KCNIP4: variants seen among roughly 807,000 people sequenced by gnomAD.
The protein encoded by KCNIP4 is potassium voltage-gated channel interacting protein 4, also known as Kv channel-interacting protein 4.
KCNIP4 carries 12 observed loss-of-function variants against 34.0 expected under a neutral mutation model. The ratio of observed to expected loss-of-function variants is 0.35; its 90% CI spans 0.23 to 0.57. KCNIP4 has a LOEUF of 0.57. Ranked by LOEUF, KCNIP4 falls within the 20% of genes least tolerant of loss-of-function variation. KCNIP4 has a pLI of 0.83. For synonymous variants in KCNIP4, 124 were observed against 102.2 expected, an observed-to-expected ratio of 1.21 and a Z score of -1.29; for missense variants, 238 against 311.7, an observed-to-expected ratio of 0.76 and a Z score of 1.78.
At chr4:21,520,522 C>T (rs767594884) in intron 1 of KCNIP4, among the ~76,000 whole-genome samples, 1 of 152,112 alleles carries the variant, frequency 6.6e-6, no homozygotes, top group Non-Finnish European at 1.5e-5. Context: ...AATGTCTCTG[C>T]TTTTACAGGT....
chr4:20,766,010 T>A (rs1247904812), intron 3 of KCNIP4, among the ~76,000 whole-genome samples: 1 of 152,206 alleles, frequency 6.6e-6, no homozygotes. Context: ...TAATACTTTA[T>A]TGGTATTGAT....
chr4:21,556,718 C>T lies in KCNIP4; in HGVS notation c.61+391853G>A, dbSNP rs537496133. On this transcript the variant is annotated intron_variant, in intron 1 of 8. Coordinates refer to ENST00000382152, the MANE Select transcript of KCNIP4 (RefSeq NM_025221.6). ...GGCAGATCACCTGAGGTCAGGAGTT[C>T]CAGACCTGCCTGGCCAACATGGTGA... Among the ~76,000 whole-genome samples, 877 of 151,862 alleles carry T rather than the reference C, an allele frequency of 5.8e-3. 8 individuals are homozygous for T. Among genetic ancestry groups the T allele is most frequent in the South Asian group, 0.012 (58 of 4,800 alleles).
chr4:21,523,616 G>C (rs1226873328), intron 1 of KCNIP4, among the ~76,000 whole-genome samples: 1 of 151,734 alleles, frequency 6.6e-6, no homozygotes, highest in Non-Finnish European at 1.5e-5. Context: ...CTATCACCCA[G>C]GTTGGAGTGC....
At chr4:21,453,946 G>C (rs1275409872) in intron 1 of KCNIP4, among the ~76,000 whole-genome samples, 1 of 151,992 alleles carries the variant, frequency 6.6e-6, no homozygotes, top group Non-Finnish European at 1.5e-5. Flanking sequence ...TCTTCATCTT[G>C]AAACAATGAC....
chr4:21,363,209 T>C (rs1560329913), intron 1 of KCNIP4, among the ~76,000 whole-genome samples: 1 of 152,154 alleles, frequency 6.6e-6, no homozygotes, highest in African/African-American at 2.4e-5. Context: ...TGTCCTTGTG[T>C]TTCCATCCCT....
intron 1 of KCNIP4, among the ~76,000 whole-genome samples, chr4:21,572,644 T>G (rs937113446): frequency 6.6e-6 from 1 of 152,068 alleles, no homozygotes; most frequent in African/African-American, 2.4e-5. Flanking sequence ...TTTTTTTTTT[T>G]TTTTTGAGAC....
At position 21,095,360 on chromosome 4, in the gene KCNIP4, T is replaced by C. The variant is rs140097076; in HGVS notation, c.62-212651A>G. Reference sequence around the variant, plus strand: ...GGCCTCTTTCAAATGATAATGTGTATACTACTTTCCTTCTGGAGATTCATA... The same window carrying C: ...GGCCTCTTTCAAATGATAATGTGTACACTACTTTCCTTCTGGAGATTCATA... On this transcript the variant is annotated intron_variant, in intron 1 of 8. Coordinates refer to ENST00000382152, the MANE Select transcript of KCNIP4 (RefSeq NM_025221.6). 1.6e-4 allele frequency among the ~76,000 whole-genome samples: 24 copies of C among 152,350 alleles called. 1 individual carries two copies. In the East Asian group the frequency reaches 4.1e-3, roughly 26 times the overall value.
intron 1 of KCNIP4, among the ~76,000 whole-genome samples, chr4:21,611,335 A>T (rs1744141615): frequency 6.6e-6 from 1 of 152,150 alleles, no homozygotes; most frequent in African/African-American, 2.4e-5. Flanking sequence ...GAAGAAGAGG[A>T]GTGAAGGGAG....
intron 1 of KCNIP4, among the ~76,000 whole-genome samples, chr4:21,448,098 G>T (rs1349523777): frequency 6.6e-6 from 1 of 152,130 alleles, no homozygotes; most frequent in Admixed American, 6.5e-5. Flanking sequence ...TAAAAATGAG[G>T]AAGTAGCTTT....
chr4:20,931,467 G>C (rs1730464795), intron 1 of KCNIP4, among the ~76,000 whole-genome samples: 1 of 152,034 alleles, frequency 6.6e-6, no homozygotes, highest in African/African-American at 2.4e-5. Flanking sequence ...TACACAACTA[G>C]TCTATGTGGT....
intron 1 of KCNIP4, among the ~76,000 whole-genome samples, chr4:21,704,914 C>T (rs1488148490): frequency 1.3e-5 from 2 of 152,026 alleles, no homozygotes; most frequent in African/African-American, 4.8e-5. Context: ...AACCTGTACA[C>T]GGATGCTTAT....
intron 1 of KCNIP4, among the ~76,000 whole-genome samples, chr4:21,772,272 C>T (rs1331339724): frequency 6.6e-6 from 1 of 152,174 alleles, no homozygotes; most frequent in African/African-American, 2.4e-5. Context: ...AGGGATGAAG[C>T]TGACTTGATT....
At chr4:20,767,781 C>A (rs2149374558) in intron 3 of KCNIP4, among the ~76,000 whole-genome samples, 1 of 152,002 alleles carries the variant, frequency 6.6e-6, no homozygotes, top group South Asian at 2.1e-4. Flanking sequence ...CATTTAGAGA[C>A]TTCTTCAGGA....
intron 3 of KCNIP4, among the ~76,000 whole-genome samples, chr4:20,781,432 C>A (rs538051929): frequency 6.6e-6 from 1 of 152,164 alleles, no homozygotes; most frequent in Admixed American, 6.5e-5. Flanking sequence ...TCCATTTTCC[C>A]GCTGCTGATA....
chr4:20,896,476 T>C (rs184577952), intron 1 of KCNIP4, among the ~76,000 whole-genome samples: 1 of 152,254 alleles, frequency 6.6e-6, no homozygotes, highest in Admixed American at 6.5e-5. Context: ...CAATAACTGG[T>C]ATCTTTCTGG....
chr4:21,766,412 C>T (rs887810962), intron 1 of KCNIP4, among the ~76,000 whole-genome samples: 1 of 152,124 alleles, frequency 6.6e-6, no homozygotes, highest in Non-Finnish European at 1.5e-5. Flanking sequence ...AGCTGGGACT[C>T]ACATGCAAGT....
intron 1 of KCNIP4, among the ~76,000 whole-genome samples, chr4:21,426,570 C>G (rs900453776): frequency 1.3e-5 from 2 of 151,478 alleles, no homozygotes; most frequent in East Asian, 3.9e-4. Flanking sequence ...GAAAAAGCAC[C>G]CTTTCCGAGG....
chr4:21,243,894 T>C (rs1760022051), intron 1 of KCNIP4, among the ~76,000 whole-genome samples: 1 of 152,024 alleles, frequency 6.6e-6, no homozygotes, highest in Non-Finnish European at 1.5e-5. Flanking sequence ...GGAGAGAAAA[T>C]AACATGTGCC....
At chr4:20,762,935 C>T (rs1755069467) in intron 3 of KCNIP4, among the ~76,000 whole-genome samples, 1 of 123,150 alleles carries the variant, frequency 8.1e-6, no homozygotes, top group Non-Finnish European at 1.6e-5. Context: ...AGAAGGAAGG[C>T]ACCTTCTTCA....
Sources: gnomAD v4.1 joint callset for allele counts (sites outside exome capture counted in the v4.1 genomes callset) on GRCh38, gnomAD v4.1.1 for gene constraint, MANE v1.5 for transcripts, NCBI Gene and HGNC (gene_info 2026-07-23, HGNC 2026-07-21) for gene names.